Variants in HNRNPL observed in about 807,000 individuals in gnomAD.
HNRNPL encodes the protein heterogeneous nuclear ribonucleoprotein L, also known as epididymis secretory sperm binding protein.
In HNRNPL, 12 loss-of-function variants were observed where a neutral mutation model predicts 64.0. The ratio of observed to expected loss-of-function variants is 0.19; its 90% CI spans 0.12 to 0.30. The LOEUF (loss-of-function observed/expected upper bound fraction) is 0.30, where lower values mean the gene tolerates loss of function less well. Among genes scored for constraint, HNRNPL ranks in the 10% least tolerant of loss-of-function variants. The probability of loss-of-function intolerance (pLI) is 1.00; values close to 1 mark genes in which losing one functional copy is unlikely to be tolerated. For missense variants in HNRNPL, 484 were observed against 797.4 expected, an observed-to-expected ratio of 0.61 and a Z score of 4.73; for synonymous variants, 385 against 313.0, an observed-to-expected ratio of 1.23 and a Z score of -2.43.
chr19:38,839,217 T>C (rs1972029391), intron 8 of HNRNPL: 1 of 589,138 alleles, frequency 1.7e-6, no homozygotes. Flanking sequence ...TTTTTAACTG[T>C]GGGACATAAC....
intron 6 of HNRNPL, 134 bp downstream of exon 6, chr19:38,843,708 G>T: frequency 2.8e-6 from 2 of 708,926 alleles, no homozygotes; most frequent in Non-Finnish European, 4.9e-6. Context: ...GTGTCCAAGT[G>T]CTGACCCCAA....
At chr19:38,841,280 A>G (rs1972109225) in intron 6 of HNRNPL, 1 of 330,868 alleles carries the variant, frequency 3.0e-6, no homozygotes, top group Non-Finnish European at 5.9e-6. Flanking sequence ...CTTTACAGAC[A>G]TCACAGCTTC....
intron 1 of HNRNPL, 187 bp from the exon 2 acceptor site, chr19:38,847,621 T>C (rs1248358610): frequency 5.6e-6 from 2 of 359,542 alleles, no homozygotes; most frequent in Non-Finnish European, 5.0e-6. Flanking sequence ...AGCAGAACAG[T>C]GGTCCTGAGT....
At chr19:38,836,851 T>C in intron 12 of HNRNPL, 71 bp from the exon 13 acceptor site, 1 of 1,136,824 alleles carries the variant, frequency 8.8e-7, no homozygotes, top group Non-Finnish European at 1.3e-6. Context: ...CCCTCAAGTT[T>C]GTACCCATCT....
At chr19:38,844,241 G>A in intron 4 of HNRNPL, 137 bp from the exon 5 acceptor site, 2 of 637,360 alleles carry the variant, frequency 3.1e-6, no homozygotes, top group Non-Finnish European at 2.8e-6. Context: ...TCACTGCCCA[G>A]CCACTAGCCT....
chr19:38,851,006 C>CTAAA (rs1568377934), upstream of HNRNPL: 1 of 152,452 alleles, frequency 6.6e-6, no homozygotes, highest in African/African-American at 2.4e-5. Context: ...ATTAACAGGT[C>CTAAA]CCTGCCATCC....
At position 38,838,439 on chromosome 19, in the gene HNRNPL, G is replaced by A. The variant is rs1017375838; in HGVS notation, c.1515C>T (p.Phe505=). The A allele has an allele frequency of 6.2e-6, 10 of 1,613,298 alleles. No individual in the cohort carries two copies. Among genetic ancestry groups the A allele is most frequent in the Non-Finnish European group, 8.5e-6 (10 of 1,179,350 alleles). The change falls in exon 10 of 13, where the codon TTC becomes TTT. Residue 505 remains phenylalanine (F), a synonymous_variant. Coordinates refer to ENST00000221419, the MANE Select transcript of HNRNPL (RefSeq NM_001533.3). ...RIQHPSNVLH[F]FNAPLEVTEE... Reference sequence around the variant, plus strand: ...CGGTCACCTCCAGCGGGGCGTTGAAGAAGTGCAGCACGTTGCTGGGGTGCT... The same window carrying A: ...CGGTCACCTCCAGCGGGGCGTTGAAAAAGTGCAGCACGTTGCTGGGGTGCT...
At chr19:38,850,646 C>A (rs1048365697), upstream of HNRNPL, among the ~76,000 whole-genome samples, 2 of 152,218 alleles carry the variant, frequency 1.3e-5, no homozygotes, top group African/African-American at 4.8e-5. Context: ...GAGGCGGGGC[C>A]CCCTTATGGA....
chr19:38,841,788 T>C, intron 6 of HNRNPL: 1 of 479,556 alleles, frequency 2.1e-6, no homozygotes, highest in Non-Finnish European at 3.9e-6. Flanking sequence ...AAATCAAAAA[T>C]GGCTCACAGA....
At chr19:38,839,373 C>CT (rs1972034832) in intron 8 of HNRNPL, 2 of 251,370 alleles carry the variant, frequency 8.0e-6, no homozygotes, top group Non-Finnish European at 1.6e-5. Flanking sequence ...TAAAATACTC[C>CT]TTCAGCTGGG....
chr19:38,837,666 A>G lies in HNRNPL; in HGVS notation c.1558-15T>C. 6.2e-7 allele frequency: 1 copy of G among 1,613,554 alleles called. No individual in the cohort carries two copies. The highest frequency in any genetic ancestry group is 8.5e-7 in the Non-Finnish European group (1 of 1,179,492). ...TCATCGCAGATCTGCAAAAGAAAAC[A>G]GGTAGTAAATGAACTCTGAAACAAA... On this transcript the variant is annotated splice_polypyrimidine_tract_variant and intron_variant, in intron 10 of 12. Coordinates refer to ENST00000221419, the MANE Select transcript of HNRNPL (RefSeq NM_001533.3).
Position 38,844,075 on chromosome 19 carries a change from G to A in HNRNPL, c.740C>T (p.Ala247Val). 1 of 1,613,656 alleles carries A rather than the reference G, an allele frequency of 6.2e-7. No homozygotes were observed. The change falls in exon 5 of 13, where the codon GCC becomes GTC. Residue 247 changes from alanine to valine, a missense_variant. Around this residue, in one of 9 missense-constraint regions of HNRNPL, gnomAD observed 60 missense variants for 192.2 expected, o/e 0.31. Coordinates refer to ENST00000221419, the MANE Select transcript of HNRNPL (RefSeq NM_001533.3). ...ATCAGCCCCATTGAGAGAGGCCTTG[G>A]CCCGCTGGGCACTTTGAACTGAGTC... ...EFDSVQSAQR[A>V]KASLNGADIY... is the part of the protein sequence containing the mutation.
rs1352475410 is a variant in HNRNPL at position 38,836,737 on chromosome 19, A to G, written c.1755T>C (p.Ala585=). 6.2e-7 allele frequency: 1 copy of G among 1,612,602 alleles called. No individual in the cohort carries two copies. Among genetic ancestry groups the G allele is most frequent in the Non-Finnish European group, 8.5e-7 (1 of 1,179,054 alleles). The stretch of plus-strand genomic sequence containing the variant: ...AGGCACCTAATTAGGAGGCGTGCTG[A>G]GCAGTGGAGAAACACAACTTCAGAG... ...PYTLKLCFST[A]QHAS Residue 585 remains alanine (A), a synonymous_variant, in exon 13 of 13, where the codon GCT becomes GCC. Coordinates refer to ENST00000221419, the MANE Select transcript of HNRNPL (RefSeq NM_001533.3).
rs45510794 is a variant in HNRNPL, at chr19:38,838,565, C to T, written c.1389G>A (p.Gln463=). The change falls in exon 10 of 13, where the codon CAG becomes CAA. Residue 463 remains glutamine (Q), a synonymous_variant. Transcript: ENST00000221419. ...AAGACCCGTCTTCCAACCCGTATGACTGACCAGGCATGATGGCTGGCTGCT... is the reference window on the plus strand; with the variant it reads ...AAGACCCGTCTTCCAACCCGTATGATTGACCAGGCATGATGGCTGGCTGCT... ...VSKQPAIMPG[Q]SYGLEDGSCS... is the part of the protein sequence containing the mutation. 0.027 allele frequency: 43,551 copies of T among 1,614,020 alleles called. 695 individuals are homozygous for T. The highest frequency in any genetic ancestry group is 0.031 in the Non-Finnish European group (37,102 of 1,179,912).
chr19:38,847,468 T>C (rs752461561), intron 1 of HNRNPL, 34 bp from the exon 2 acceptor site: 2 of 1,367,470 alleles, frequency 1.5e-6, no homozygotes, highest in Middle Eastern at 1.9e-4. Flanking sequence ...AATTATTTTC[T>C]TGCTGTACAA....
At chr19:38,852,172 C>G (rs1364022715), upstream of HNRNPL, 1 of 148,216 alleles carries the variant, frequency 6.7e-6, no homozygotes, top group South Asian at 2.1e-4. Flanking sequence ...TGACCCGCAC[C>G]CCCCGCGCTC....
intron 6 of HNRNPL, 192 bp downstream of exon 6, chr19:38,843,650 G>T: frequency 1.7e-6 from 1 of 598,496 alleles, no homozygotes; most frequent in Non-Finnish European, 3.0e-6. Flanking sequence ...AGGGCCCCAA[G>T]CAGCAGTGAA....
In HNRNPL at chr19:38,849,930, G is replaced by C; in HGVS notation, c.37C>G (p.Arg13Gly). The C allele has an allele frequency of 7.4e-7, 1 of 1,355,790 alleles. No individual in the cohort carries two copies. The highest frequency in any genetic ancestry group is 9.8e-7 in the Non-Finnish European group (1 of 1,016,870). 84.0% of individuals were successfully genotyped at this position (1,355,790 alleles called of 1,614,324 possible). The change falls in exon 1 of 13, where the codon CGT becomes GGT. Residue 13 changes from arginine (R) to glycine (G), a missense_variant. By Grantham distance (125) the Arg-to-Gly change is moderately radical. This residue lies in a region of HNRNPL where 190 missense variants were observed against 160.1 expected (regional missense o/e 1.19). Coordinates refer to ENST00000221419, the MANE Select transcript of HNRNPL (RefSeq NM_001533.3). ...TGCTGCCTCTGCTCCAGCCGCCGACGCCGCTTCTCCGCCCGGGGCAGCAGC... is the reference window on the plus strand; with the variant it reads ...TGCTGCCTCTGCTCCAGCCGCCGACCCCGCTTCTCCGCCCGGGGCAGCAGC... ...RRLLPRAEKR[R>G]RRLEQRQQPD...
intron 1 of HNRNPL, 71 bp downstream of exon 1, chr19:38,849,626 AAAT>A (rs1480005604): frequency 1.5e-6 from 2 of 1,292,108 alleles, no homozygotes; most frequent in Non-Finnish European, 2.0e-6. Flanking sequence ...CCCCCTCAAA[AAAT>A]AAAATGCCCT....
Sources: allele counts gnomAD v4.1 joint callset (sites outside exome capture counted in the v4.1 genomes callset), GRCh38; gene constraint gnomAD v4.1.1; regional missense constraint gnomAD v4.1.1; transcripts MANE v1.5; gene names NCBI Gene and HGNC (gene_info 2026-07-23, HGNC 2026-07-21).